Variants in ERAP1 observed in about 807,000 individuals in gnomAD.
ERAP1 encodes the protein endoplasmic reticulum aminopeptidase 1, also known as adipocyte-derived leucine aminopeptidase.
A neutral mutation model predicts 103.7 loss-of-function variants in ERAP1; 86 were observed. The observed-to-expected ratio is 0.83, with a 90% CI of 0.70 to 0.99. The LOEUF (loss-of-function observed/expected upper bound fraction) is 0.99, where lower values mean the gene tolerates loss of function less well. Among genes scored for constraint, ERAP1 ranks in the 50% least tolerant of loss-of-function variants. ERAP1 has a pLI of 0.00. For synonymous variants in ERAP1, 398 were observed against 402.4 expected, an observed-to-expected ratio of 0.99 and a Z score of 0.13; for missense variants, 1,009 against 1,128.4, an observed-to-expected ratio of 0.89 and a Z score of 1.52.
intron 5 of ERAP1, among the ~76,000 whole-genome samples, chr5:96,794,300 C>T (rs975547122): frequency 2.0e-5 from 3 of 150,980 alleles, no homozygotes; most frequent in African/African-American, 4.9e-5. Context: ...GTGATCCTCC[C>T]ATCTCAGCCT....
the ERAP1 span, among the ~76,000 whole-genome samples, chr5:96,872,070 G>C: frequency 6.6e-6 from 1 of 151,824 alleles, no homozygotes; most frequent in Non-Finnish European, 1.5e-5. Flanking sequence ...TCTCTATTTT[G>C]TCTGAAAAAG....
At chr5:96,846,354 T>C in the ERAP1 span, among the ~76,000 whole-genome samples, 1 of 152,250 alleles carries the variant, frequency 6.6e-6, no homozygotes, top group African/African-American at 2.4e-5. Context: ...GAAAGTTTTC[T>C]GCACATTAGA....
At chr5:96,878,463 A>C in the ERAP1 span, among the ~76,000 whole-genome samples, 1 of 152,126 alleles carries the variant, frequency 6.6e-6, no homozygotes, top group African/African-American at 2.4e-5. Flanking sequence ...ATTCTTTGTG[A>C]CTTATGAAGA....
At chr5:96,805,677 G>A (rs1207458374) in intron 1 of ERAP1, 6 of 152,254 alleles carry the variant, frequency 3.9e-5, no homozygotes, top group Non-Finnish European at 1.5e-5. Context: ...TGAACAGGGA[G>A]AACATTTTTT....
At chr5:96,916,873 C>T in the ERAP1 span, among the ~76,000 whole-genome samples, 3 of 151,946 alleles carry the variant, frequency 2.0e-5, no homozygotes, top group African/African-American at 7.2e-5. Flanking sequence ...TAAATCCCAG[C>T]TCACCATTTA....
intron 17 of ERAP1, among the ~76,000 whole-genome samples, 165 bp from the exon 18 acceptor site, chr5:96,780,669 T>TA (rs1341916411): frequency 6.6e-6 from 1 of 152,232 alleles, no homozygotes; most frequent in Admixed American, 6.5e-5. Flanking sequence ...TAAAGAATAA[T>TA]ACACACCAAC....
At chr5:96,788,396 A>T in intron 11 of ERAP1, 135 bp downstream of exon 11, 1 of 1,093,768 alleles carries the variant, frequency 9.1e-7, no homozygotes, top group Non-Finnish European at 1.3e-6. Flanking sequence ...AGTATAAGTC[A>T]ACTTCATAGG....
chr5:96,833,320 G>C, the ERAP1 span, among the ~76,000 whole-genome samples: 3 of 152,152 alleles, frequency 2.0e-5, no homozygotes, highest in Non-Finnish European at 2.9e-5. Flanking sequence ...ATGGGGTCTT[G>C]AGCTTCATGA....
chr5:96,903,555 A>G, the ERAP1 span: 3 of 1,593,254 alleles, frequency 1.9e-6, no homozygotes, highest in East Asian at 6.7e-5. Flanking sequence ...TGTTTCAGCT[A>G]GTTGGGTAAG....
rs1170267898 is a variant in ERAP1, at chr5:96,775,091, G to T, written c.*1305C>A. ...CACACTATGGGTTAGATAAGTCCCT[G>T]TGTAGCAAGTTTTCAGAATAAGAAA... On this transcript the variant is annotated 3_prime_UTR_variant, in exon 19 of 19. Coordinates refer to ENST00000443439, the MANE Select transcript of ERAP1 (RefSeq NM_001040458.3). 6 of 985,438 alleles carry T rather than the reference G, an allele frequency of 6.1e-6. No individual in the cohort carries two copies. The East Asian group carries it at 6.7e-4, about 110-fold the overall frequency. 61.0% of individuals were successfully genotyped at this position (985,438 alleles called of 1,614,324 possible). A position where few individuals can be genotyped will look rare whatever the true frequency, so the allele number is the denominator to read the frequency against.
At chr5:96,784,595 C>T (rs1581562887) in intron 13 of ERAP1, among the ~76,000 whole-genome samples, 1 of 88,952 alleles carries the variant, frequency 1.1e-5, no homozygotes, top group Non-Finnish European at 2.5e-5. Context: ...CAAACAGTAA[C>T]GTCTAGGGCT....
intron 3 of ERAP1, among the ~76,000 whole-genome samples, chr5:96,798,048 G>A (rs549935778): frequency 9.2e-5 from 14 of 152,210 alleles, no homozygotes; most frequent in African/African-American, 2.6e-4. Context: ...AACCTGGGCC[G>A]GACACAGTGG....
chr5:96,798,675 A>G (rs1418349458), intron 3 of ERAP1, among the ~76,000 whole-genome samples: 1 of 151,344 alleles, frequency 6.6e-6, no homozygotes, highest in East Asian at 1.9e-4. Flanking sequence ...CTGCCTCCCA[A>G]AGTGTTAGGA....
the ERAP1 span, among the ~76,000 whole-genome samples, chr5:96,887,499 C>T: frequency 6.6e-6 from 1 of 152,042 alleles, no homozygotes; most frequent in Non-Finnish European, 1.5e-5. Flanking sequence ...GGGGTTTCAC[C>T]ATGTTGACCA....
chr5:96,891,533 T>TACAC, the ERAP1 span, among the ~76,000 whole-genome samples: 50 of 85,904 alleles, frequency 5.8e-4, 1 homozygote, highest in East Asian at 0.013. Context: ...ATACGGTATA[T>TACAC]ATACACACAC....
the ERAP1 span, among the ~76,000 whole-genome samples, chr5:96,833,792 G>GAA: frequency 1.9e-4 from 26 of 140,410 alleles, no homozygotes; most frequent in Non-Finnish European, 2.6e-4. Context: ...GCAAGGCTCG[G>GAA]AAAAAAAAAA....
chr5:96,782,151 C>T (rs1472492069), intron 15 of ERAP1, among the ~76,000 whole-genome samples: 1 of 151,920 alleles, frequency 6.6e-6, no homozygotes, highest in Non-Finnish European at 1.5e-5. Context: ...GCTGGGACTA[C>T]AGGCGCCCGC....
the ERAP1 span, among the ~76,000 whole-genome samples, chr5:96,831,443 C>T: frequency 3.9e-5 from 6 of 152,334 alleles, no homozygotes; most frequent in South Asian, 2.1e-4. Context: ...TTTCCATCCA[C>T]GCACAGGAGG....
At position 96,776,441 on chromosome 5, in the gene ERAP1, A is replaced by T. The variant is rs1340463634; in HGVS notation, c.2781T>A (p.Asp927Glu). The T allele has an allele frequency of 6.2e-7, 1 of 1,614,014 alleles. No homozygotes were observed. The highest frequency in any genetic ancestry group is 1.7e-5 in the Admixed American group (1 of 60,000). Reference sequence around the variant, plus strand: ...CACTTTGCAGCCACACTCTGATTTTATCAAAATTCTTATCCATCCAACCGA... The same window carrying T: ...CACTTTGCAGCCACACTCTGATTTTTTCAAAATTCTTATCCATCCAACCGA... ...ENIGWMDKNF[D>E]KIRVWLQSEK... The change falls in exon 19 of 19, where the codon GAT (aspartate) becomes GAA (glutamate). Residue 927 changes from aspartate to glutamate, a missense_variant. Transcript: ENST00000443439.
Sources: allele counts gnomAD v4.1 joint callset (sites outside exome capture counted in the v4.1 genomes callset), GRCh38; gene constraint gnomAD v4.1.1; transcripts MANE v1.5; gene names NCBI Gene and HGNC (gene_info 2026-07-23, HGNC 2026-07-21).